Variants in NOPCHAP1 observed in about 807,000 individuals in gnomAD.
The protein encoded by NOPCHAP1 is DNA damage-sensitive RNA 1.
Under a neutral mutation model 14.0 loss-of-function variants are expected in NOPCHAP1, and 13 were observed. The ratio of observed to expected loss-of-function variants is 0.93; its 90% confidence interval spans 0.60 to 1.47. NOPCHAP1 has a LOEUF of 1.47. NOPCHAP1 is among the 40% of genes most tolerant of loss of function. The pLI, the probability that NOPCHAP1 is intolerant of heterozygous loss-of-function variation, is 0.00. For missense variants in NOPCHAP1, 230 were observed against 226.9 expected, an observed-to-expected ratio of 1.01 and a Z score of -0.09; for synonymous variants, 78 against 78.4, an observed-to-expected ratio of 1.00 and a Z score of 0.03.
rs1454013322 is a variant in NOPCHAP1 at position 105,003,211 on chromosome 12, G to A, written c.*8515G>A. Reference sequence around the variant, plus strand: ...CCTTGCAAGTGAACAAGTTTATGTAGGTTAAAACTTTCCCACTGTGGGCCA... The same window carrying A: ...CCTTGCAAGTGAACAAGTTTATGTAAGTTAAAACTTTCCCACTGTGGGCCA... On this transcript the variant is annotated 3_prime_UTR_variant, in exon 4 of 4. Transcript: ENST00000552951. The A allele has an allele frequency of 1.3e-5, 2 of 152,112 alleles. No homozygotes were observed. Among genetic ancestry groups the A allele is most frequent in the African/African-American group, 2.4e-5 (1 of 41,426 alleles). 9.4% of individuals were successfully genotyped at this position (152,112 alleles called of 1,614,324 possible).
chr12:104,988,890 A>G (rs73383489), intron 2 of NOPCHAP1, among the ~76,000 whole-genome samples: 3,849 of 152,286 alleles, frequency 0.025, 164 homozygotes, highest in African/African-American at 0.086. Flanking sequence ...CTAAATCTAC[A>G]ATAGCTGAAA....
rs1244304797 is a variant in NOPCHAP1, at chr12:104,999,486, G to A, written c.*4790G>A. On this transcript the variant is annotated 3_prime_UTR_variant, in exon 4 of 4. Transcript: ENST00000552951. ...GCCCAGGGAGAGGTCAGGAAACTGA[G>A]GAGTGCTTAGTTCCGATCGGCCAGG... 4 of 152,400 alleles carry A rather than the reference G, an allele frequency of 2.6e-5. No individual in the cohort carries two copies. The highest frequency in any genetic ancestry group is 9.6e-5 in the African/African-American group (4 of 41,452). The allele number at this position is 152,400 out of a possible 1,614,324, so 9.4% of individuals were successfully genotyped here.
rs917000673 is a variant in NOPCHAP1, at chr12:105,000,612, G to C, written c.*5916G>C. The C allele has an allele frequency of 6.6e-6, 1 of 152,076 alleles. No individual in the cohort carries two copies. The highest frequency in any genetic ancestry group is 1.5e-5 in the Non-Finnish European group (1 of 68,008). 9.4% of individuals were successfully genotyped at this position (152,076 alleles called of 1,614,324 possible). A position where few individuals can be genotyped will look rare whatever the true frequency, so the allele number is the denominator to read the frequency against. ...TGATCAAATTCTTACCACCCATACT[G>C]CAGCAAAAGTCTTGAGGGTCTGAAC... On this transcript the variant is annotated 3_prime_UTR_variant, in exon 4 of 4. Transcript: ENST00000552951.
rs888814480 is a variant in NOPCHAP1, at chr12:104,999,829, G to A, written c.*5133G>A. Reference sequence around the variant, plus strand: ...TTTCCAGGAGTCGGGGGCCAGGAACGAGTCTTAGTGTGTGGTAGCCCCTTG... The same window carrying A: ...TTTCCAGGAGTCGGGGGCCAGGAACAAGTCTTAGTGTGTGGTAGCCCCTTG... On this transcript the variant is annotated 3_prime_UTR_variant, in exon 4 of 4. Transcript: ENST00000552951. 2 of 152,330 alleles carry A rather than the reference G, an allele frequency of 1.3e-5. No individual in the cohort carries two copies. Among genetic ancestry groups the A allele is most frequent in the African/African-American group, 4.8e-5 (2 of 41,452 alleles). 9.4% of individuals were successfully genotyped at this position (152,330 alleles called of 1,614,324 possible).
chr12:105,009,616 C>T lies in NOPCHAP1; in HGVS notation c.*14920C>T, dbSNP rs1319431090. 1.3e-5 allele frequency: 2 copies of T among 151,990 alleles called. No homozygotes were observed. The highest frequency in any genetic ancestry group is 2.9e-5 in the Non-Finnish European group (2 of 67,970). 9.4% of individuals were successfully genotyped at this position (151,990 alleles called of 1,614,324 possible). On this transcript the variant is annotated 3_prime_UTR_variant, in exon 4 of 4. Coordinates refer to ENST00000552951, the MANE Select transcript of NOPCHAP1 (RefSeq NM_152318.3). ...GCTGTGGGTTTGTCATAAAAAGCTC[C>T]TATTGTTTTGAAATATGTTCCATCA...
Position 104,994,949 on chromosome 12 carries a change from A to T in NOPCHAP1, c.*253A>T. On this transcript the variant is annotated 3_prime_UTR_variant, in exon 4 of 4. Coordinates refer to ENST00000552951, the MANE Select transcript of NOPCHAP1 (RefSeq NM_152318.3). ...AAGTGTGCTTTTATCAGCTGAACAC[A>T]GAAGTAGAGTACAGGAATAACTTGA... 2 of 436,988 alleles carry T rather than the reference A, an allele frequency of 4.6e-6. No homozygotes were observed. Among genetic ancestry groups the T allele is most frequent in the South Asian group, 2.2e-5 (1 of 45,354 alleles). 27.1% of individuals were successfully genotyped at this position (436,988 alleles called of 1,614,324 possible). A position where few individuals can be genotyped will look rare whatever the true frequency, so the allele number is the denominator to read the frequency against.
chr12:105,011,606 A>G lies in NOPCHAP1; in HGVS notation c.*16910A>G, dbSNP rs1325163775. 6.6e-6 allele frequency: 1 copy of G among 152,120 alleles called. No individual in the cohort carries two copies. The highest frequency in any genetic ancestry group is 1.9e-4 in the East Asian group (1 of 5,196). The allele number at this position is 152,120 out of a possible 1,614,324, so 9.4% of individuals were successfully genotyped here. A position where few individuals can be genotyped will look rare whatever the true frequency, so the allele number is the denominator to read the frequency against. On this transcript the variant is annotated 3_prime_UTR_variant, in exon 4 of 4. Coordinates refer to ENST00000552951, the MANE Select transcript of NOPCHAP1 (RefSeq NM_152318.3). ...GTGTTGATGGTCCTTACAATTTGGT[A>G]TGTTTTTGCAGTGGCTAGTGCCAGT...
In NOPCHAP1 at chr12:105,017,097, A is replaced by T. The variant is rs934935893; in HGVS notation, c.*22401A>T. On this transcript the variant is annotated 3_prime_UTR_variant, in exon 4 of 4. Transcript: ENST00000552951. ...AAATCTCATTCTGAATAAATCTCCC[A>T]TCTGTTCCAATAACATTTTAATTGC... 5.3e-5 allele frequency: 8 copies of T among 152,324 alleles called. No homozygotes were observed. The highest frequency in any genetic ancestry group is 1.9e-4 in the African/African-American group (8 of 41,578). The allele number at this position is 152,324 out of a possible 1,614,324, so 9.4% of individuals were successfully genotyped here.
rs540229768 is a variant in NOPCHAP1, at chr12:105,002,616, GC to G, written c.*7923del. ...TCAACAATTTTTCTAGGTCTCATTG[GC>G]CCTACTCTTGATGAGGTTTTGGGGG... On this transcript the variant is annotated 3_prime_UTR_variant, in exon 4 of 4. Transcript: ENST00000552951. 3 of 152,094 alleles carry G rather than the reference GC, an allele frequency of 2.0e-5. No individual in the cohort carries two copies. Among genetic ancestry groups the G allele is most frequent in the Non-Finnish European group, 4.4e-5 (3 of 67,998 alleles). 9.4% of individuals were successfully genotyped at this position (152,094 alleles called of 1,614,324 possible).
intron 1 of NOPCHAP1, among the ~76,000 whole-genome samples, chr12:104,987,092 T>C (rs1285111490): frequency 6.6e-6 from 1 of 152,230 alleles, no homozygotes; most frequent in African/African-American, 2.4e-5. Context: ...ATAGTAGTAA[T>C]GCCTGTAGAA....
In NOPCHAP1 at chr12:105,001,629, C is replaced by T. The variant is rs987494058; in HGVS notation, c.*6933C>T. 1.3e-5 allele frequency: 2 copies of T among 152,130 alleles called. No individual in the cohort carries two copies. Among genetic ancestry groups the T allele is most frequent in the African/African-American group, 4.8e-5 (2 of 41,444 alleles). The allele number at this position is 152,130 out of a possible 1,614,324, so 9.4% of individuals were successfully genotyped here. A position where few individuals can be genotyped will look rare whatever the true frequency, so the allele number is the denominator to read the frequency against. On this transcript the variant is annotated 3_prime_UTR_variant, in exon 4 of 4. Transcript: ENST00000552951. ...TCTTGCCCCAGCAGATTTACTGGGG[C>T]AGTATCACATAATTAAAAAGTATGA...
rs1873380271 is a variant in NOPCHAP1 at position 104,991,743 on chromosome 12, G to C, written c.234G>C (p.Gln78His). ...ACCAGGTACAGACATTTCTCCCACAGATGGCACGGGCAAATGAAAAGCTAA... is the reference window on the plus strand; with the variant it reads ...ACCAGGTACAGACATTTCTCCCACACATGGCACGGGCAAATGAAAAGCTAA... ...LLDQVQTFLP[Q>H]MARANEKLRK... The change falls in exon 3 of 4, where the codon CAG becomes CAC. Residue 78 changes from glutamine to histidine, a missense_variant. Transcript: ENST00000552951. 1 of 1,613,598 alleles carries C rather than the reference G, an allele frequency of 6.2e-7. No homozygotes were observed. Among genetic ancestry groups the C allele is most frequent in the Non-Finnish European group, 8.5e-7 (1 of 1,179,862 alleles).
At position 104,994,680 on chromosome 12, in the gene NOPCHAP1, G is replaced by GT. The variant is rs763974133; in HGVS notation, c.543dup (p.Lys182Ter). Reference sequence around the variant, plus strand: ...ATTGAAGTTTTGGACAGTCCAGCAAGTAAAAAAAAGAAATAGTCAAATAAA... The same window carrying GT: ...ATTGAAGTTTTGGACAGTCCAGCAAGTTAAAAAAAAGAAATAGTCAAATAAA... On this transcript the variant is annotated frameshift_variant, in exon 4 of 4. Coordinates refer to ENST00000552951, the MANE Select transcript of NOPCHAP1 (RefSeq NM_152318.3). LOFTEE classifies it high-confidence loss of function. 9 of 1,604,794 alleles carry GT rather than the reference G, an allele frequency of 5.6e-6. No homozygotes were observed. Among genetic ancestry groups the GT allele is most frequent in the South Asian group, 1.1e-5 (1 of 88,752 alleles).
Position 105,005,780 on chromosome 12 carries a change from A to G in NOPCHAP1, c.*11084A>G, listed in dbSNP as rs1003214986. ...CTCCTGGCTCAGTTTCTCTAAAAAT[A>G]TGTCTATACAGTACCAATCTTCTAC... is the stretch of plus-strand genomic sequence containing the variant. On this transcript the variant is annotated 3_prime_UTR_variant, in exon 4 of 4. Coordinates refer to ENST00000552951, the MANE Select transcript of NOPCHAP1 (RefSeq NM_152318.3). The G allele has an allele frequency of 5.9e-5, 9 of 152,218 alleles. No individual in the cohort carries two copies. The highest frequency in any genetic ancestry group is 1.3e-4 in the Admixed American group (2 of 15,282). The allele number at this position is 152,218 out of a possible 1,614,324, so 9.4% of individuals were successfully genotyped here. A position where few individuals can be genotyped will look rare whatever the true frequency, so the allele number is the denominator to read the frequency against.
rs1313671485 is a variant in NOPCHAP1, at chr12:105,006,900, G to T, written c.*12204G>T. On this transcript the variant is annotated 3_prime_UTR_variant, in exon 4 of 4. Coordinates refer to ENST00000552951, the MANE Select transcript of NOPCHAP1 (RefSeq NM_152318.3). ...TGGCATTTTTTTTTTCCAGATGAGG[G>T]TACTTCTGTTTGTATTTAAAACCTG... The T allele has an allele frequency of 6.6e-6, 1 of 151,468 alleles. No individual in the cohort carries two copies. Among genetic ancestry groups the T allele is most frequent in the African/African-American group, 2.4e-5 (1 of 41,152 alleles). The allele number at this position is 151,468 out of a possible 1,614,324, so 9.4% of individuals were successfully genotyped here.
Position 105,003,025 on chromosome 12 carries a change from G to T in NOPCHAP1, c.*8329G>T, listed in dbSNP as rs1237888248. ...TGGGTAAAGAGAAAGAACAAAACAGGTTTGAATCAGTCAAGATACAGTCTT... is the reference window on the plus strand; with the variant it reads ...TGGGTAAAGAGAAAGAACAAAACAGTTTTGAATCAGTCAAGATACAGTCTT... On this transcript the variant is annotated 3_prime_UTR_variant, in exon 4 of 4. Coordinates refer to ENST00000552951, the MANE Select transcript of NOPCHAP1 (RefSeq NM_152318.3). The T allele has an allele frequency of 6.6e-6, 1 of 152,164 alleles. No individual in the cohort carries two copies. Among genetic ancestry groups the T allele is most frequent in the Non-Finnish European group, 1.5e-5 (1 of 68,038 alleles). 9.4% of individuals were successfully genotyped at this position (152,164 alleles called of 1,614,324 possible). A position where few individuals can be genotyped will look rare whatever the true frequency, so the allele number is the denominator to read the frequency against.
chr12:104,999,010 C>T lies in NOPCHAP1; in HGVS notation c.*4314C>T, dbSNP rs938723488. The T allele has an allele frequency of 1.3e-5, 2 of 152,726 alleles. No individual in the cohort carries two copies. Among genetic ancestry groups the T allele is most frequent in the Admixed American group, 1.3e-4 (2 of 15,290 alleles). The allele number at this position is 152,726 out of a possible 1,614,324, so 9.5% of individuals were successfully genotyped here. ...CAGGGCGCAGGGCAGGTCCACTGGT[C>T]ACTGTGCCTAGTTTTGCAGCTGGTG... On this transcript the variant is annotated 3_prime_UTR_variant, in exon 4 of 4. Transcript: ENST00000552951.
chr12:104,993,587 C>G (rs916151142), intron 3 of NOPCHAP1, among the ~76,000 whole-genome samples: 2 of 152,166 alleles, frequency 1.3e-5, no homozygotes, highest in Admixed American at 6.5e-5. Context: ...CAGAAGGCCC[C>G]GAGTGATCGC....
chr12:104,986,722 CCTGCCAGGCGCCG>C (rs1873246656), intron 1 of NOPCHAP1, among the ~76,000 whole-genome samples: 1 of 152,214 alleles, frequency 6.6e-6, no homozygotes, highest in South Asian at 2.1e-4. Flanking sequence ...GAGCGCCCAC[CCTGCCAGGCGCCG>C]CTGCCAGGCA....
Sources: allele counts gnomAD v4.1 joint callset (sites outside exome capture counted in the v4.1 genomes callset), GRCh38; gene constraint gnomAD v4.1.1; transcripts MANE v1.5; gene names NCBI Gene and HGNC (gene_info 2026-07-23, HGNC 2026-07-21).